The following CNTNAP3 variants were observed in gnomAD, a reference collection of about 807,000 sequenced individuals.
CNTNAP3 encodes the protein contactin-associated protein-like 3.
CNTNAP3 carries 36 observed loss-of-function variants against 92.1 expected under a neutral mutation model. That is an observed-to-expected ratio of 0.39 (90% CI 0.30 to 0.52). The LOEUF (loss-of-function observed/expected upper bound fraction) is 0.52, where lower values mean the gene tolerates loss of function less well. CNTNAP3 is among the 20% of genes least tolerant of loss of function. CNTNAP3 has a pLI of 0.76. For synonymous variants in CNTNAP3, 232 were observed against 422.3 expected (o/e 0.55, Z 5.53); for missense variants, 534 against 1,069.6 (o/e 0.50, Z 6.98).
chr9:39,104,477 T>TAC (rs60068368), intron 15 of CNTNAP3, among the ~76,000 whole-genome samples: 40,998 of 122,760 alleles, frequency 0.33, 6,764 homozygotes, highest in Admixed American at 0.42. Flanking sequence ...CACATACACA[T>TAC]ACACACACAC....
Position 39,073,096 on chromosome 9 carries a change from G to A in CNTNAP3, c.*794C>T, listed in dbSNP as rs2118348090. The stretch of plus-strand genomic sequence containing the variant: ...GACAATCTTGTATTGACATCCTCTT[G>A]CATCTTGTTACCTACCAATGTTCTG... On this transcript the variant is annotated 3_prime_UTR_variant, in exon 24 of 24. Transcript: ENST00000297668. 1 of 153,176 alleles carries A rather than the reference G, an allele frequency of 6.5e-6. No homozygotes were observed. Among genetic ancestry groups the A allele is most frequent in the South Asian group, 2.1e-4 (1 of 4,842 alleles). The allele number at this position is 153,176 out of a possible 1,614,324, so 9.5% of individuals were successfully genotyped here.
intron 14 of CNTNAP3, among the ~76,000 whole-genome samples, chr9:39,109,813 C>CA (rs1373266597): frequency 6.6e-6 from 1 of 152,076 alleles, no homozygotes; most frequent in Non-Finnish European, 1.5e-5. Flanking sequence ...GGGGAAAAAT[C>CA]AAGAAGGTAA....
At position 39,069,316 on chromosome 9, in the gene CNTNAP3, G is replaced by C. The variant is rs1321476862; in HGVS notation, c.*4574C>G. ...ATTATATGTTTTACCTCATTGGCTT[G>C]CTTAAGGAGTTAAAATGTGATATGA... On this transcript the variant is annotated 3_prime_UTR_variant, in exon 24 of 24. Transcript: ENST00000297668. Among the ~76,000 whole-genome samples the C allele has an allele frequency of 4.3e-3, 647 of 150,308 alleles. No homozygotes were observed. Among genetic ancestry groups the C allele is most frequent in the African/African-American group, 0.015 (612 of 39,654 alleles).
chr9:39,100,396 C>T (rs191054920), intron 17 of CNTNAP3, among the ~76,000 whole-genome samples: 5 of 152,302 alleles, frequency 3.3e-5, no homozygotes, highest in Non-Finnish European at 7.4e-5. Flanking sequence ...TAAAACATTT[C>T]CTTAACTTCA....
At chr9:39,209,540 TC>T (rs1822593534) in intron 3 of CNTNAP3, among the ~76,000 whole-genome samples, 1 of 58,298 alleles carries the variant, frequency 1.7e-5, no homozygotes, top group African/African-American at 6.8e-5. Context: ...TTCTGCAGCC[TC>T]CAGCCTGGAG....
At chr9:39,088,231 G>A (rs1826108396) in intron 19 of CNTNAP3, among the ~76,000 whole-genome samples, 192 bp downstream of exon 19, 1 of 150,074 alleles carries the variant, frequency 6.7e-6, no homozygotes, top group African/African-American at 2.5e-5. Context: ...TGGGAGAAAA[G>A]CATCTTAATT....
chr9:39,081,944 G>A (rs1435526146), intron 21 of CNTNAP3, among the ~76,000 whole-genome samples: 11 of 151,694 alleles, frequency 7.3e-5, no homozygotes, highest in African/African-American at 2.2e-4. Flanking sequence ...AAAATTAGCC[G>A]GGCATGGTGG....
rs1825674876 is a variant in CNTNAP3, at chr9:39,073,524, T to C, written c.*366A>G. 3.2e-6 allele frequency: 1 copy of C among 317,074 alleles called. No homozygotes were observed. Among genetic ancestry groups the C allele is most frequent in the South Asian group, 3.9e-5 (1 of 25,480 alleles). The allele number at this position is 317,074 out of a possible 1,614,324, so 19.6% of individuals were successfully genotyped here. ...TAAAAAATAAAGTAGGGCCACAGCTTTATAGCCATTTTCTCATCTAAAACC... is the reference window on the plus strand; with the variant it reads ...TAAAAAATAAAGTAGGGCCACAGCTCTATAGCCATTTTCTCATCTAAAACC... On this transcript the variant is annotated 3_prime_UTR_variant, in exon 24 of 24. Transcript: ENST00000297668.
intron 10 of CNTNAP3, among the ~76,000 whole-genome samples, chr9:39,148,715 CG>C (rs1343972495): frequency 4.0e-5 from 6 of 151,762 alleles, no homozygotes; most frequent in Non-Finnish European, 7.4e-5. Context: ...TTAGTAGAGA[CG>C]GGGTTTCACC....
At chr9:39,225,758 A>T (rs1193112032) in intron 3 of CNTNAP3, among the ~76,000 whole-genome samples, 1 of 54,304 alleles carries the variant, frequency 1.8e-5, no homozygotes, top group African/African-American at 3.2e-5. Context: ...TTCCTGTCTT[A>T]CTTTCTTCTT....
chr9:39,107,803 C>A (rs141670433), intron 15 of CNTNAP3, among the ~76,000 whole-genome samples: 1 of 152,082 alleles, frequency 6.6e-6, no homozygotes, highest in African/African-American at 2.4e-5. Context: ...ACAAATGAAA[C>A]AAAGTATTCA....
At chr9:39,141,944 T>C (rs1319466418) in intron 11 of CNTNAP3, among the ~76,000 whole-genome samples, 1 of 152,162 alleles carries the variant, frequency 6.6e-6, no homozygotes, top group Non-Finnish European at 1.5e-5. Context: ...ATACATGTTA[T>C]ACAATTAGAA....
chr9:39,123,565 A>T (rs1189650801), intron 13 of CNTNAP3, among the ~76,000 whole-genome samples: 2 of 152,128 alleles, frequency 1.3e-5, no homozygotes, highest in Non-Finnish European at 2.9e-5. Flanking sequence ...AGCAAACACC[A>T]AGCAGGTTAA....
intron 11 of CNTNAP3, 90 bp from the exon 12 acceptor site, chr9:39,140,728 A>T: frequency 6.8e-7 from 1 of 1,477,708 alleles, no homozygotes; most frequent in East Asian, 2.3e-5. Context: ...AATTACAGAC[A>T]TGTGATACAT....
rs772400866 is a variant in CNTNAP3 at position 39,118,176 on chromosome 9, A to G, written c.2164T>C (p.Cys722Arg). 2.7e-5 allele frequency: 43 copies of G among 1,611,504 alleles called. No homozygotes were observed. Among genetic ancestry groups the G allele is most frequent in the East Asian group, 1.3e-4 (6 of 44,848 alleles). ...WGGSLPDAQKCTCGLEGNCID... is the reference protein window; with the variant it reads ...WGGSLPDAQKRTCGLEGNCID... Reference sequence around the variant, plus strand: ...CAGTTCCCCTCTAATCCACAAGTACACTTTTGAGCATCAGGCAGAGAACCT... The same window carrying G: ...CAGTTCCCCTCTAATCCACAAGTACGCTTTTGAGCATCAGGCAGAGAACCT... Residue 722 changes from cysteine (C) to arginine (R), a missense_variant, in exon 14 of 24, where the codon TGT becomes CGT. By Grantham distance (180) the Cys-to-Arg change is radical. Transcript: ENST00000297668.
chr9:39,086,615 A>C, intron 20 of CNTNAP3, 101 bp downstream of exon 20: 1 of 1,358,746 alleles, frequency 7.4e-7, no homozygotes, highest in Non-Finnish European at 1.0e-6. Flanking sequence ...GCAGCACTGA[A>C]TGGGTTGCTC....
chr9:39,084,121 G>C (rs1196033919), intron 21 of CNTNAP3, among the ~76,000 whole-genome samples: 1 of 151,818 alleles, frequency 6.6e-6, no homozygotes, highest in Non-Finnish European at 1.5e-5. Context: ...TGTAGTGAGG[G>C]TGGGTAGGTA....
chr9:39,146,838 A>T (rs190130217), intron 10 of CNTNAP3, among the ~76,000 whole-genome samples: 7 of 152,244 alleles, frequency 4.6e-5, no homozygotes, highest in Middle Eastern at 3.4e-3. Flanking sequence ...ATCTGTCCCT[A>T]AGTAGGATTT....
At chr9:39,134,730 A>G (rs1821387387) in intron 12 of CNTNAP3, among the ~76,000 whole-genome samples, 1 of 152,156 alleles carries the variant, frequency 6.6e-6, no homozygotes, top group Non-Finnish European at 1.5e-5. Flanking sequence ...GCCTGGCCTC[A>G]TTTTAGAATT....
Sources: gnomAD v4.1 joint callset for allele counts (sites outside exome capture counted in the v4.1 genomes callset) on GRCh38, gnomAD v4.1.1 for gene constraint, MANE v1.5 for transcripts, NCBI Gene and HGNC (gene_info 2026-07-23, HGNC 2026-07-21) for gene names.